FRMPD4: variants seen among roughly 807,000 people sequenced by gnomAD.
FRMPD4 encodes the protein FERM and PDZ domain containing 4, also known as FERM and PDZ domain-containing protein 4.
A neutral mutation model predicts 94.1 loss-of-function variants in FRMPD4; 22 were observed. The ratio of observed to expected loss-of-function variants is 0.23; its 90% CI spans 0.17 to 0.33. The LOEUF (loss-of-function observed/expected upper bound fraction) is 0.33. Among genes scored for constraint, FRMPD4 ranks in the 10% least tolerant of loss-of-function variants. The pLI, the probability that FRMPD4 is intolerant of heterozygous loss-of-function variation, is 1.00. For missense variants in FRMPD4, 1,111 were observed against 1,339.9 expected (o/e 0.83, Z 2.67); for synonymous variants, 631 against 548.6 (o/e 1.15, Z -2.10).
At chrX:12,309,623 T>G (rs1200764157) in intron 1 of FRMPD4, among the ~76,000 whole-genome samples, 3 of 112,287 alleles carry the variant, frequency 2.7e-5, no homozygotes, top group Admixed American at 9.3e-5. Context: ...GACTAACCAT[T>G]GTATACCTAA....
intron 2 of FRMPD4, among the ~76,000 whole-genome samples, chrX:12,594,736 GTTAACCCCAC>G (rs897219450): frequency 4.5e-5 from 5 of 111,765 alleles, no homozygotes; most frequent in African/African-American, 1.6e-4. Context: ...TACCCGGCCA[GTTAACCCCAC>G]TTTAAACAAT....
At chrX:12,112,110 A>G (rs1020267528) in intron 3 of FRMPD4, among the ~76,000 whole-genome samples, 6 of 112,053 alleles carry the variant, frequency 5.4e-5, no homozygotes, top group African/African-American at 1.9e-4. Flanking sequence ...ATAAAGACAC[A>G]TGCACACGTA....
chrX:12,168,836 A>G (rs2056171856), intron 1 of FRMPD4, among the ~76,000 whole-genome samples: 1 of 110,958 alleles, frequency 9.0e-6, no homozygotes, highest in African/African-American at 3.3e-5. Context: ...CAGGTTAGCC[A>G]GGATGGTCTC....
chrX:12,415,042 A>C, intron 1 of FRMPD4, among the ~76,000 whole-genome samples: 1 of 109,941 alleles, frequency 9.1e-6, no homozygotes, highest in Non-Finnish European at 1.9e-5. Flanking sequence ...TGCTGCTGAC[A>C]TTTTATCTAG....
At chrX:11,825,658 AC>A (rs367806260) in intron 1 of FRMPD4, among the ~76,000 whole-genome samples, 1 of 110,743 alleles carries the variant, frequency 9.0e-6, no homozygotes, top group East Asian at 2.8e-4. Flanking sequence ...TATATACCGC[AC>A]CCCCCCACCA....
intron 1 of FRMPD4, among the ~76,000 whole-genome samples, chrX:11,841,555 G>T (rs1331894743): frequency 2.7e-5 from 3 of 110,235 alleles, no homozygotes; most frequent in Non-Finnish European, 5.7e-5. Context: ...CTTTTGAGAC[G>T]TGTCTGTTCA....
intron 1 of FRMPD4, among the ~76,000 whole-genome samples, chrX:12,174,985 C>T (rs1252138996): frequency 4.5e-5 from 5 of 112,347 alleles, no homozygotes; most frequent in Non-Finnish European, 9.4e-5. Flanking sequence ...CACAGTTACA[C>T]GACCTTGCCT....
intron 1 of FRMPD4, among the ~76,000 whole-genome samples, chrX:12,447,865 T>G (rs769092346): frequency 1.8e-5 from 2 of 112,211 alleles, no homozygotes; most frequent in Admixed American, 9.4e-5. Context: ...TTCCTTTCTA[T>G]TTCATCACAT....
chrX:11,836,663 A>G, intron 1 of FRMPD4, among the ~76,000 whole-genome samples: 2 of 112,007 alleles, frequency 1.8e-5, no homozygotes, highest in South Asian at 7.4e-4. Flanking sequence ...AATGAAACAT[A>G]GAACAAGCTA....
rs1251291990 is a variant in FRMPD4, at chrX:12,242,231, AATGACT to A, written c.41+103223_41+103228del. ...TGACTAACCAATCCACTGTTCTCCA[AATGACT>A]ATGCATTTCTATTAGATGATCCTCT... On this transcript the variant is annotated intron_variant, in intron 1 of 16. Coordinates refer to ENST00000675598, the MANE Select transcript of FRMPD4 (RefSeq NM_001368397.1). Among the ~76,000 whole-genome samples the A allele has an allele frequency of 2.7e-5, 3 of 111,629 alleles. No homozygotes were observed. The Admixed American group carries it at 2.8e-4, about 11-fold the overall frequency.
At chrX:12,246,914 A>G (rs186057928) in intron 1 of FRMPD4, among the ~76,000 whole-genome samples, 1 of 111,822 alleles carries the variant, frequency 8.9e-6, no homozygotes, top group African/African-American at 3.3e-5. Context: ...TGGCCACCTA[A>G]GTTTGTGATT....
At chrX:11,957,141 T>C (rs2054261128) in intron 3 of FRMPD4, among the ~76,000 whole-genome samples, 1 of 112,267 alleles carries the variant, frequency 8.9e-6, no homozygotes, top group Non-Finnish European at 1.9e-5. Context: ...TGTTAAAAGA[T>C]AACTTTTAAC....
At chrX:11,997,510 G>C (rs1168955659) in intron 3 of FRMPD4, among the ~76,000 whole-genome samples, 1 of 111,116 alleles carries the variant, frequency 9.0e-6, no homozygotes, top group African/African-American at 3.3e-5. Flanking sequence ...ATAAGTCTTT[G>C]GGCTGGCCAG....
At chrX:12,160,914 TTAC>T (rs2074681421) in intron 1 of FRMPD4, among the ~76,000 whole-genome samples, 1 of 111,416 alleles carries the variant, frequency 9.0e-6, no homozygotes, top group African/African-American at 3.3e-5. Flanking sequence ...AATAAGGGTA[TTAC>T]TAATATGGTT....
chrX:12,525,084 A>T (rs1022192885), intron 2 of FRMPD4, among the ~76,000 whole-genome samples: 2 of 111,231 alleles, frequency 1.8e-5, no homozygotes, highest in Non-Finnish European at 3.8e-5. Flanking sequence ...CCTGCGCTAC[A>T]GTCTGACGGA....
intron 1 of FRMPD4, among the ~76,000 whole-genome samples, chrX:12,238,965 C>T (rs1334046036): frequency 8.9e-6 from 1 of 112,007 alleles, no homozygotes; most frequent in East Asian, 2.8e-4. Context: ...AGTATTTGCT[C>T]AATTACATGA....
chrX:12,476,618 G>GA (rs2057602502), intron 1 of FRMPD4, among the ~76,000 whole-genome samples: 1 of 111,190 alleles, frequency 9.0e-6, no homozygotes, highest in Non-Finnish European at 1.9e-5. Context: ...AAATTTACAA[G>GA]AAAAAAACAA....
intron 1 of FRMPD4, among the ~76,000 whole-genome samples, chrX:12,421,789 G>T (rs987129193): frequency 3.5e-4 from 34 of 97,895 alleles, no homozygotes; most frequent in African/African-American, 9.7e-4. Context: ...AAAAAAAGCT[G>T]GGGGGGCAGG....
intron 3 of FRMPD4, among the ~76,000 whole-genome samples, chrX:11,945,579 G>A (rs2054184445): frequency 1.8e-5 from 2 of 111,816 alleles, no homozygotes; most frequent in Admixed American, 9.5e-5. Context: ...GGTTATACAA[G>A]CATGGCACCA....
Sources: allele counts gnomAD v4.1 joint callset (sites outside exome capture counted in the v4.1 genomes callset), GRCh38; gene constraint gnomAD v4.1.1; transcripts MANE v1.5; gene names NCBI Gene and HGNC (gene_info 2026-07-23, HGNC 2026-07-21).